MRPL27: variants seen among roughly 807,000 people sequenced by gnomAD.
The protein encoded by MRPL27 is mitochondrial ribosomal protein L27, also known as large ribosomal subunit protein bL27m.
Under a neutral mutation model 14.6 loss-of-function variants are expected in MRPL27, and 4 were observed. That is an observed-to-expected ratio of 0.27 (90% CI 0.14 to 0.63). The LOEUF is 0.63. Among genes scored for constraint, MRPL27 ranks in the 20% least tolerant of loss-of-function variants. The probability of loss-of-function intolerance (pLI) is 0.85; values close to 1 mark genes in which losing one functional copy is unlikely to be tolerated. For synonymous variants in MRPL27, 82 were observed against 75.5 expected (o/e 1.09, Z -0.45); for missense variants, 196 against 192.8 (o/e 1.02, Z -0.10).
intron 3 of MRPL27, chr17:50,368,828 T>G (rs543937827): frequency 1.4e-6 from 1 of 702,094 alleles, no homozygotes; most frequent in East Asian, 2.7e-5. Context: ...TTAAGTCATT[T>G]AATTCTCACC....
chr17:50,369,962 T>C lies in MRPL27; in HGVS notation c.240+70A>G, dbSNP rs757418706. ...AGCACTCAATACATGCAACTGTTAT[T>C]ACCATGCTTAGGGGCAAGGAGAGGT... On this transcript the variant is annotated intron_variant, in intron 3 of 3. Coordinates refer to ENST00000225969, the MANE Select transcript of MRPL27 (RefSeq NM_016504.3). 6 of 1,528,424 alleles carry C rather than the reference T, an allele frequency of 3.9e-6. 1 individual carries two copies. The South Asian group carries it at 6.8e-5, about 17-fold the overall frequency. 94.7% of individuals were successfully genotyped at this position (1,528,424 alleles called of 1,614,324 possible).
intron 3 of MRPL27, 169 bp downstream of exon 3, chr17:50,369,863 A>T (rs1913074329): frequency 2.5e-6 from 2 of 791,904 alleles, no homozygotes; most frequent in Non-Finnish European, 4.2e-6. Flanking sequence ...ATTTCACCTT[A>T]CTTACAGGGA....
At position 50,370,442 on chromosome 17, in the gene MRPL27, G is replaced by C. The variant is rs937296935; in HGVS notation, c.172+13C>G. 1.2e-6 allele frequency: 2 copies of C among 1,613,970 alleles called. No homozygotes were observed. Among genetic ancestry groups the C allele is most frequent in the African/African-American group, 2.7e-5 (2 of 74,900 alleles). ...GGTGCAGCTAGGAAGGGGAAGCCAA[G>C]GCACATCCTCACCTTCCATTTTCTT... is the stretch of plus-strand genomic sequence containing the variant. On this transcript the variant is annotated intron_variant, in intron 2 of 3. Coordinates refer to ENST00000225969, the MANE Select transcript of MRPL27 (RefSeq NM_016504.3).
At chr17:50,368,866 C>A in intron 3 of MRPL27, 1 of 702,398 alleles carries the variant, frequency 1.4e-6, no homozygotes, top group South Asian at 1.5e-5. Context: ...TTTCCAACGC[C>A]ACTTTTCAGA....
At chr17:50,368,480 C>G (rs577546756) in intron 3 of MRPL27, 182 bp from the exon 4 acceptor site, 5 of 639,794 alleles carry the variant, frequency 7.8e-6, no homozygotes, top group African/African-American at 7.3e-5. Context: ...TTTATTGACT[C>G]ATAACAAATG....
chr17:50,369,133 A>G (rs1913050752), intron 3 of MRPL27: 3 of 460,828 alleles, frequency 6.5e-6, no homozygotes, highest in Non-Finnish European at 1.2e-5. Flanking sequence ...TCGTCTGTCA[A>G]ATGGGGATAA....
intron 3 of MRPL27, chr17:50,368,651 C>G: frequency 1.7e-6 from 1 of 595,936 alleles, no homozygotes; most frequent in Non-Finnish European, 3.0e-6. Flanking sequence ...AACACTAGAA[C>G]TGTCATATTA....
At chr17:50,371,667 T>TGG (rs1240407461) in intron 1 of MRPL27, among the ~76,000 whole-genome samples, 1 of 152,152 alleles carries the variant, frequency 6.6e-6, no homozygotes, top group Non-Finnish European at 1.5e-5. Context: ...TCCTGAAGCC[T>TGG]GGGTTTCTGA....
chr17:50,369,503 G>T, intron 3 of MRPL27: 1 of 189,558 alleles, frequency 5.3e-6, no homozygotes, highest in South Asian at 1.0e-4. Flanking sequence ...TAAAAATGAT[G>T]CCAACTTGCT....
At chr17:50,368,936 T>A in intron 3 of MRPL27, 1 of 688,448 alleles carries the variant, frequency 1.5e-6, no homozygotes, top group South Asian at 1.6e-5. Flanking sequence ...AACCATATTT[T>A]TTAGCTTTTT....
At chr17:50,372,286 C>T (rs1480189649) in intron 1 of MRPL27, among the ~76,000 whole-genome samples, 1 of 151,740 alleles carries the variant, frequency 6.6e-6, no homozygotes, top group Admixed American at 6.6e-5. Context: ...CATTCTGTCA[C>T]CCAGGCTGGA....
chr17:50,373,087 C>A (rs762085471), intron 1 of MRPL27, 44 bp downstream of exon 1: 2 of 1,613,074 alleles, frequency 1.2e-6, no homozygotes, highest in Admixed American at 1.7e-5. Context: ...GAGCTCCACT[C>A]TGCCTCCCCG....
rs577562031 is a variant in MRPL27 at position 50,370,254 on chromosome 17, G to A, written c.173-155C>T. 27 of 1,137,124 alleles carry A rather than the reference G, an allele frequency of 2.4e-5. No homozygotes were observed. In the African/African-American group the frequency reaches 3.6e-4, roughly 15 times the overall value. 70.4% of individuals were successfully genotyped at this position (1,137,124 alleles called of 1,614,324 possible). A position where few individuals can be genotyped will look rare whatever the true frequency, so the allele number is the denominator to read the frequency against. ...GCAGCGCAGGATCTGCCACCCAGCA[G>A]CTCTTGTCTCTAATTGCATGGTTAT... On this transcript the variant is annotated intron_variant, in intron 2 of 3. Coordinates refer to ENST00000225969, the MANE Select transcript of MRPL27 (RefSeq NM_016504.3).
chr17:50,372,050 G>C (rs1913170759), intron 1 of MRPL27, among the ~76,000 whole-genome samples: 1 of 152,132 alleles, frequency 6.6e-6, no homozygotes, highest in Admixed American at 6.5e-5. Context: ...TTTCCTCCAA[G>C]TTCACTGCCA....
chr17:50,370,155 G>T (rs1913087924), intron 2 of MRPL27, 56 bp from the exon 3 acceptor site: 2 of 1,531,910 alleles, frequency 1.3e-6, no homozygotes, highest in Non-Finnish European at 1.8e-6. Flanking sequence ...AAGAAAACAT[G>T]ATGGCCCAAA....
At chr17:50,370,714 A>C in intron 1 of MRPL27, 128 bp from the exon 2 acceptor site, 1 of 1,313,384 alleles carries the variant, frequency 7.6e-7, no homozygotes. Context: ...CAGAAGTGCC[A>C]CTGAGTGTAT....
chr17:50,368,373 C>G, intron 3 of MRPL27, 75 bp from the exon 4 acceptor site: 1 of 1,480,506 alleles, frequency 6.8e-7, no homozygotes, highest in African/African-American at 1.4e-5. Context: ...GGACAGACTT[C>G]TCACACAGAG....
At chr17:50,369,012 T>C in intron 3 of MRPL27, 1 of 620,190 alleles carries the variant, frequency 1.6e-6, no homozygotes, top group Non-Finnish European at 2.9e-6. Context: ...ATTCTCTGTC[T>C]CTCTGATTAA....
intron 3 of MRPL27, chr17:50,368,545 G>A (rs894834477): frequency 6.7e-6 from 4 of 596,140 alleles, no homozygotes; most frequent in Admixed American, 3.0e-5. Context: ...CCCAGGGACT[G>A]TTACCTGGAG....
Sources: allele counts gnomAD v4.1 joint callset (sites outside exome capture counted in the v4.1 genomes callset), GRCh38; gene constraint gnomAD v4.1.1; transcripts MANE v1.5; gene names NCBI Gene and HGNC (gene_info 2026-07-23, HGNC 2026-07-21).